HIPK3: variants seen among roughly 807,000 people sequenced by gnomAD.
HIPK3 encodes homeodomain-interacting protein kinase 3.
A neutral mutation model predicts 124.2 loss-of-function variants in HIPK3; 47 were observed. That is an observed-to-expected ratio of 0.38 (90% CI 0.30 to 0.48). The LOEUF is 0.48. HIPK3 is among the 20% of genes least tolerant of loss of function. HIPK3 has a pLI of 0.98. For missense variants in HIPK3, 1,286 were observed against 1,454.3 expected (o/e 0.88, Z 1.88); for synonymous variants, 482 against 515.2 (o/e 0.94, Z 0.87).
chr11:33,281,058 CTTTTTTTTTTTTTTT>C (rs56902582), intron 1 of HIPK3, among the ~76,000 whole-genome samples: 4 of 111,802 alleles, frequency 3.6e-5, no homozygotes, highest in East Asian at 5.6e-4. Context: ...ACTTATTTGA[CTTTTTTTTTTTTTTT>C]TTTTTTTTTT....
Position 33,354,171 on chromosome 11 carries a change from A to G in HIPK3, c.*603A>G, listed in dbSNP as rs1853753366. ...TATTACCTATATATAAATGTTGAGG[A>G]CTGCAGCACTTAAAATTCAGACCTA... On this transcript the variant is annotated 3_prime_UTR_variant, in exon 17 of 17. Transcript: ENST00000303296. 6.5e-6 allele frequency: 1 copy of G among 152,736 alleles called. No individual in the cohort carries two copies. The highest frequency in any genetic ancestry group is 2.4e-5 in the African/African-American group (1 of 41,454). The allele number at this position is 152,736 out of a possible 1,614,324, so 9.5% of individuals were successfully genotyped here.
intron 2 of HIPK3, among the ~76,000 whole-genome samples, chr11:33,290,581 C>T (rs1166642191): frequency 3.3e-5 from 5 of 150,304 alleles, no homozygotes; most frequent in African/African-American, 1.2e-4. Context: ...TTCTGCATAT[C>T]AGAATTACCT....
At chr11:33,298,744 ATTAGTAGAATTAGAAGTGGAG>A (rs1037780394) in intron 2 of HIPK3, among the ~76,000 whole-genome samples, 7 of 152,218 alleles carry the variant, frequency 4.6e-5, no homozygotes, top group Non-Finnish European at 2.9e-5. Context: ...CAAGAGAACT[ATTAGTAGAATTAGAAGTGGAG>A]TTAGTAGAAT....
chr11:33,321,005 TAGAG>T (rs1171031155), intron 2 of HIPK3, among the ~76,000 whole-genome samples: 1 of 152,032 alleles, frequency 6.6e-6, no homozygotes, highest in Non-Finnish European at 1.5e-5. Flanking sequence ...TTAGTGCACA[TAGAG>T]AGGATAGATT....
At chr11:33,313,633 TTA>T (rs1275537791) in intron 2 of HIPK3, among the ~76,000 whole-genome samples, 28 of 152,086 alleles carry the variant, frequency 1.8e-4, no homozygotes, top group Middle Eastern at 3.2e-3. Flanking sequence ...AAGTCTAAAA[TTA>T]TGTCAACATG....
At chr11:33,292,600 A>G (rs933525815) in intron 2 of HIPK3, among the ~76,000 whole-genome samples, 1 of 152,204 alleles carries the variant, frequency 6.6e-6, no homozygotes, top group African/African-American at 2.4e-5. Context: ...AACCTAAAAA[A>G]GCTCAGCATT....
intron 2 of HIPK3, among the ~76,000 whole-genome samples, chr11:33,295,807 A>C (rs1159885699): frequency 2.6e-5 from 4 of 152,222 alleles, no homozygotes; most frequent in African/African-American, 9.6e-5. Context: ...CATTATTGGT[A>C]AGGCGAACTT....
chr11:33,265,617 T>C (rs1850933625), intron 1 of HIPK3, among the ~76,000 whole-genome samples: 1 of 149,608 alleles, frequency 6.7e-6, no homozygotes, highest in Non-Finnish European at 1.5e-5. Flanking sequence ...CTACAAAAAA[T>C]ACAAAAACTA....
chr11:33,352,611 G>A (rs1321970840), intron 16 of HIPK3, among the ~76,000 whole-genome samples: 1 of 152,166 alleles, frequency 6.6e-6, no homozygotes, highest in Non-Finnish European at 1.5e-5. Context: ...AAAGATCACA[G>A]ATACTGGAGT....
At chr11:33,339,322 T>A in intron 5 of HIPK3, 28 bp from the exon 6 acceptor site, 3 of 1,483,732 alleles carry the variant, frequency 2.0e-6, no homozygotes, top group Non-Finnish European at 2.7e-6. Context: ...TATTTTTACT[T>A]GATGGCTTGA....
At chr11:33,326,419 C>T (rs776900915) in intron 2 of HIPK3, among the ~76,000 whole-genome samples, 7 of 152,244 alleles carry the variant, frequency 4.6e-5, no homozygotes, top group East Asian at 1.9e-4. Flanking sequence ...AGGTAATATA[C>T]GTACTGAGAA....
chr11:33,309,304 G>A (rs997296803), intron 2 of HIPK3, among the ~76,000 whole-genome samples: 3 of 152,046 alleles, frequency 2.0e-5, no homozygotes, highest in Non-Finnish European at 1.5e-5. Context: ...TGTTAGAGAC[G>A]GGATCTTGCC....
chr11:33,349,305 G>A lies in HIPK3; in HGVS notation c.2807+18G>A, dbSNP rs1853590258. On this transcript the variant is annotated intron_variant, in intron 14 of 16. Transcript: ENST00000303296. ...CCGAATAGGTAAAAGAATCTCAATA[G>A]TAGTGTGTAATAAATAGTAAGTCTA... is the stretch of plus-strand genomic sequence containing the variant. 1 of 1,597,014 alleles carries A rather than the reference G, an allele frequency of 6.3e-7. No individual in the cohort carries two copies. Among genetic ancestry groups the A allele is most frequent in the Non-Finnish European group, 8.5e-7 (1 of 1,170,966 alleles).
chr11:33,269,247 C>T (rs1231832546), intron 1 of HIPK3, among the ~76,000 whole-genome samples: 2 of 152,170 alleles, frequency 1.3e-5, no homozygotes, highest in African/African-American at 2.4e-5. Flanking sequence ...AGATGAGTCG[C>T]TTTCCTTGAT....
In HIPK3 at chr11:33,338,295, G is replaced by A. The variant is rs930966140; in HGVS notation, c.1342-462G>A. Reference sequence around the variant, plus strand: ...TGTTGCAAGGCTGGAGTGCAGTGGCGCGATCTTGGTTCACTGCAACCTCCG... The same window carrying A: ...TGTTGCAAGGCTGGAGTGCAGTGGCACGATCTTGGTTCACTGCAACCTCCG... On this transcript the variant is annotated intron_variant, in intron 4 of 16. Transcript: ENST00000303296. Among the ~76,000 whole-genome samples the A allele has an allele frequency of 4.8e-4, 73 of 152,146 alleles. 1 individual carries two copies. Among genetic ancestry groups the A allele is most frequent in the African/African-American group, 1.6e-3 (68 of 41,508 alleles).
intron 2 of HIPK3, among the ~76,000 whole-genome samples, chr11:33,305,221 C>G (rs1367055047): frequency 1.3e-5 from 2 of 152,110 alleles, no homozygotes; most frequent in African/African-American, 4.8e-5. Flanking sequence ...AGGTTGGTCT[C>G]GAACTCCTGA....
In HIPK3 at chr11:33,348,204, G is replaced by C; in HGVS notation, c.2345G>C (p.Arg782Thr). The change falls in exon 12 of 17, where the codon AGA (arginine) becomes ACA (threonine). Residue 782 changes from arginine to threonine, a missense_variant. Physicochemically the swap from Arg to Thr is moderately conservative, Grantham distance 71. Around this residue, in one of 3 missense-constraint regions of HIPK3, gnomAD observed 810 missense variants for 864.9 expected, o/e 0.94. Transcript: ENST00000303296. ...AAACTAATGGAATGGGAGCCAGGAA[G>C]AGAGGAAATAAATGCTTTCAGTTGG... Reference protein sequence around the residue: ...LVKLMEWEPGREEINAFSWSN... With the variant: ...LVKLMEWEPGTEEINAFSWSN... The C allele has an allele frequency of 1.2e-6, 2 of 1,613,930 alleles. No homozygotes were observed. The highest frequency in any genetic ancestry group is 2.2e-5 in the South Asian group (2 of 91,046).
intron 2 of HIPK3, among the ~76,000 whole-genome samples, chr11:33,289,029 A>G (rs1204076656): frequency 2.0e-5 from 3 of 152,234 alleles, no homozygotes; most frequent in Non-Finnish European, 4.4e-5. Flanking sequence ...TATAGTGCCC[A>G]GTATAAAATA....
At chr11:33,352,624 G>GAC in intron 16 of HIPK3, among the ~76,000 whole-genome samples, 1 of 152,230 alleles carries the variant, frequency 6.6e-6, no homozygotes, top group African/African-American at 2.4e-5. Context: ...ACTGGAGTTG[G>GAC]ACGGGGATTC....
Sources: gnomAD v4.1 joint callset for allele counts (sites outside exome capture counted in the v4.1 genomes callset) on GRCh38, gnomAD v4.1.1 for gene constraint, gnomAD v4.1.1 regional missense constraint, MANE v1.5 for transcripts, NCBI Gene and HGNC (gene_info 2026-07-23, HGNC 2026-07-21) for gene names.